Variants in NTRK3 observed in about 807,000 individuals in gnomAD.
NTRK3 encodes neurotrophic receptor tyrosine kinase 3.
NTRK3 carries 24 observed loss-of-function variants against 91.7 expected under a neutral mutation model. The ratio of observed to expected loss-of-function variants is 0.26; its 90% CI spans 0.19 to 0.37. The LOEUF is 0.37. NTRK3 is among the 10% of genes least tolerant of loss of function. The pLI is 1.00. For synonymous variants in NTRK3, 483 were observed against 404.0 expected (o/e 1.20, Z -2.34); for missense variants, 880 against 1,068.9 (o/e 0.82, Z 2.46).
chr15:88,002,721 C>A (rs182210178), intron 14 of NTRK3, among the ~76,000 whole-genome samples: 2 of 150,954 alleles, frequency 1.3e-5, no homozygotes, highest in African/African-American at 2.4e-5. Flanking sequence ...GCTAGAAGCC[C>A]GGAGAAAACA....
intron 15 of NTRK3, among the ~76,000 whole-genome samples, chr15:87,936,924 G>A (rs1349725679): frequency 6.6e-6 from 1 of 152,126 alleles, no homozygotes; most frequent in Non-Finnish European, 1.5e-5. Flanking sequence ...CATAGTCATG[G>A]ACTCTATAAG....
intron 10 of NTRK3, among the ~76,000 whole-genome samples, chr15:88,132,834 AC>A (rs1010470587): frequency 1.3e-5 from 2 of 152,106 alleles, no homozygotes; most frequent in African/African-American, 4.8e-5. Context: ...GACTCACAAA[AC>A]AAGCAAATCT....
At chr15:88,127,037 C>A in intron 12 of NTRK3, 125 bp downstream of exon 12, 3 of 851,164 alleles carry the variant, frequency 3.5e-6, no homozygotes, top group Non-Finnish European at 5.9e-6. Flanking sequence ...GAACGTAGTT[C>A]AATTCATTAC....
intron 5 of NTRK3, among the ~76,000 whole-genome samples, chr15:88,172,901 T>G (rs183192848): frequency 3.3e-5 from 5 of 152,272 alleles, no homozygotes; most frequent in African/African-American, 1.2e-4. Context: ...CCAGGAGCAG[T>G]ACCTTTACAG....
intron 14 of NTRK3, among the ~76,000 whole-genome samples, chr15:87,989,230 A>G (rs2075092982): frequency 6.6e-6 from 1 of 152,256 alleles, no homozygotes; most frequent in African/African-American, 2.4e-5. Context: ...ACTATTCACA[A>G]TAGTGAAGAC....
At chr15:88,059,051 C>CAA (rs761059725) in intron 13 of NTRK3, among the ~76,000 whole-genome samples, 1 of 80,984 alleles carries the variant, frequency 1.2e-5, no homozygotes, top group Non-Finnish European at 3.2e-5. Flanking sequence ...CACACACAAA[C>CAA]ACACACACAC....
Position 88,050,728 on chromosome 15 carries a change from T to C in NTRK3, c.1397-17683A>G, listed in dbSNP as rs147137220. On this transcript the variant is annotated intron_variant, in intron 13 of 18. Coordinates refer to ENST00000394480, the Ensembl canonical transcript of NTRK3. ...TTATAAATAATTAGCTCATTTAATC[T>C]TTGCAAACTTGCAATGATCACTTCC... 6.5e-3 allele frequency among the ~76,000 whole-genome samples: 988 copies of C among 152,282 alleles called. 14 individuals carry two copies. The highest frequency in any genetic ancestry group is 0.023 in the African/African-American group (939 of 41,548).
At chr15:88,019,826 T>A (rs2077483873) in intron 14 of NTRK3, among the ~76,000 whole-genome samples, 1 of 152,172 alleles carries the variant, frequency 6.6e-6, no homozygotes, top group South Asian at 2.1e-4. Context: ...TTTAGCTGAG[T>A]TATGTGATGA....
At chr15:88,081,733 C>T (rs1244663029) in intron 13 of NTRK3, among the ~76,000 whole-genome samples, 1 of 152,208 alleles carries the variant, frequency 6.6e-6, no homozygotes, top group Non-Finnish European at 1.5e-5. Context: ...GCTGAAGTAC[C>T]TGAGACAGGG....
intron 13 of NTRK3, among the ~76,000 whole-genome samples, chr15:88,038,292 C>T (rs140655294): frequency 6.6e-6 from 1 of 152,240 alleles, no homozygotes; most frequent in Non-Finnish European, 1.5e-5. Flanking sequence ...CACCATCAGA[C>T]TCTTGCCCCA....
chr15:88,183,548 G>A (rs2151614459), intron 4 of NTRK3, 59 bp from the exon 5 acceptor site: 1 of 1,500,838 alleles, frequency 6.7e-7, no homozygotes, highest in Non-Finnish European at 9.3e-7. Context: ...TATCTGCTCT[G>A]GGCTGAGGCT....
At chr15:88,156,832 C>T (rs575346896) in intron 5 of NTRK3, among the ~76,000 whole-genome samples, 1 of 152,236 alleles carries the variant, frequency 6.6e-6, no homozygotes, top group African/African-American at 2.4e-5. Context: ...TTCTTTATAG[C>T]ACCTGGAACC....
rs886866085 is a variant in NTRK3 at position 88,255,001 on chromosome 15, G to C, written c.248+905C>G. Among the ~76,000 whole-genome samples the C allele has an allele frequency of 6.6e-6, 1 of 152,174 alleles. No individual in the cohort carries two copies. The highest frequency in any genetic ancestry group is 6.5e-5 in the Admixed American group (1 of 15,284). On this transcript the variant is annotated intron_variant, in intron 3 of 18. Transcript: ENST00000394480. This position sits in a 1 kb window ranked among gnomAD's most constrained non-coding sequence, Gnocchi z 4.3. The stretch of plus-strand genomic sequence containing the variant: ...CTGCCATCCCCACCAAAGAAAAATA[G>C]CAAGGAGAAAAGAGCAGGCCACCAC...
At chr15:87,965,655 G>C (rs1472394863) in intron 14 of NTRK3, among the ~76,000 whole-genome samples, 1 of 152,186 alleles carries the variant, frequency 6.6e-6, no homozygotes, top group Non-Finnish European at 1.5e-5. Context: ...GATTTCCAAG[G>C]CTTGAAGGCA....
At chr15:88,136,407 C>A in intron 8 of NTRK3, 60 bp downstream of exon 8, 2 of 1,611,410 alleles carry the variant, frequency 1.2e-6, no homozygotes, top group Non-Finnish European at 1.7e-6. Flanking sequence ...CCCTCTTCTT[C>A]AAGACTACAG....
At chr15:88,072,817 G>C in intron 13 of NTRK3, 1 of 233,028 alleles carries the variant, frequency 4.3e-6, no homozygotes. Context: ...GTGCTGGCTG[G>C]GCCACAGCAG....
intron 13 of NTRK3, among the ~76,000 whole-genome samples, chr15:88,097,591 C>T (rs866482277): frequency 2.6e-5 from 4 of 152,160 alleles, no homozygotes; most frequent in Admixed American, 6.5e-5. Context: ...GGAAAACATA[C>T]ATACAAAGAT....
chr15:87,874,807 A>G (rs1426834755), exon 19 of NTRK3: 1 of 231,714 alleles, frequency 4.3e-6, no homozygotes, highest in Non-Finnish European at 8.5e-6. Flanking sequence ...CTAGGTGGAA[A>G]GACAAGAGGA....
intron 17 of NTRK3, among the ~76,000 whole-genome samples, chr15:87,895,983 C>A (rs180736033): frequency 6.6e-6 from 1 of 152,060 alleles, no homozygotes; most frequent in Non-Finnish European, 1.5e-5. Flanking sequence ...CACCTCCCCA[C>A]GTTGACTTGT....
Sources: gnomAD v4.1 joint callset for allele counts (sites outside exome capture counted in the v4.1 genomes callset) on GRCh38, gnomAD v4.1.1 for gene constraint, Gnocchi (gnomAD v3.1) non-coding constraint, MANE v1.5 for transcripts, NCBI Gene and HGNC (gene_info 2026-07-23, HGNC 2026-07-21) for gene names.